The following ECPAS variants were observed in gnomAD, a reference collection of about 807,000 sequenced individuals.
The protein encoded by ECPAS is Ecm29 proteasome adaptor and scaffold.
A neutral mutation model predicts 255.1 loss-of-function variants in ECPAS; 70 were observed. That is an observed-to-expected ratio of 0.27 (90% CI 0.23 to 0.33). The LOEUF is 0.33. Ranked by LOEUF, ECPAS falls within the 10% of genes least tolerant of loss-of-function variation. The pLI, the probability that ECPAS is intolerant of heterozygous loss-of-function variation, is 1.00. For synonymous variants in ECPAS, 784 were observed against 775.0 expected (o/e 1.01, Z -0.19); for missense variants, 1,817 against 2,206.4 (o/e 0.82, Z 3.54).
intron 24 of ECPAS, among the ~76,000 whole-genome samples, chr9:111,401,395 G>A (rs1347856595): frequency 3.9e-5 from 6 of 152,116 alleles, no homozygotes; most frequent in Non-Finnish European, 8.8e-5. Context: ...AGGGGAGGGG[G>A]GTGTACAAAC....
rs752086245 is a variant in ECPAS at position 111,373,317 on chromosome 9, G to C, written c.4267C>G (p.Arg1423Gly). 3 of 1,613,278 alleles carry C rather than the reference G, an allele frequency of 1.9e-6. No individual in the cohort carries two copies. The highest frequency in any genetic ancestry group is 1.3e-5 in the African/African-American group (1 of 74,828). The change falls in exon 40 of 50, where the codon CGG (arginine) becomes GGG (glycine). Residue 1423 changes from arginine (R) to glycine (G), a missense_variant and splice_region_variant. Arg to Gly is a moderately radical substitution (Grantham distance 125, BLOSUM62 -2). Around this residue, in one of 4 missense-constraint regions of ECPAS, gnomAD observed 960 missense variants for 1,179.0 expected, o/e 0.81. Transcript: ENST00000684092. ...ACTAAGCAAGAAATTTAACTCACCC[G>C]AACTAAATGGCCCATAGCAAATGCA... ...SCAFAMGHLV[R>G]TSRDSSTEKL...
intron 2 of ECPAS, among the ~76,000 whole-genome samples, chr9:111,465,510 A>G (rs1028704797): frequency 2.0e-5 from 3 of 152,134 alleles, no homozygotes; most frequent in Non-Finnish European, 4.4e-5. Flanking sequence ...ATTGCACTGC[A>G]GCCTGGGCTA....
chr9:111,465,288 C>T (rs2098278103), intron 2 of ECPAS, among the ~76,000 whole-genome samples: 1 of 152,004 alleles, frequency 6.6e-6, no homozygotes, highest in Non-Finnish European at 1.5e-5. Flanking sequence ...GCCTGTAATC[C>T]CAGCACTTTG....
chr9:111,403,191 GAA>G (rs34002065), intron 24 of ECPAS, among the ~76,000 whole-genome samples: 217 of 120,858 alleles, frequency 1.8e-3, no homozygotes, highest in African/African-American at 6.2e-3. Context: ...CATCTCTACT[GAA>G]AAAAAAAAAA....
intron 25 of ECPAS, among the ~76,000 whole-genome samples, chr9:111,395,733 C>T (rs2098166635): frequency 6.6e-6 from 1 of 152,152 alleles, no homozygotes; most frequent in Non-Finnish European, 1.5e-5. Flanking sequence ...AGTGTGAGCC[C>T]TCCCTGTTGT....
At chr9:111,427,219 A>G (rs528075036) in intron 10 of ECPAS, among the ~76,000 whole-genome samples, 1 of 152,200 alleles carries the variant, frequency 6.6e-6, no homozygotes, top group Non-Finnish European at 1.5e-5. Flanking sequence ...GACTAGAGGC[A>G]GGAAGGTAAG....
chr9:111,462,190 A>G (rs2098273986), intron 2 of ECPAS, among the ~76,000 whole-genome samples: 1 of 152,270 alleles, frequency 6.6e-6, no homozygotes, highest in African/African-American at 2.4e-5. Flanking sequence ...ATAGGAAAAG[A>G]TATCTTAAAA....
At chr9:111,397,186 A>G (rs974873743) in intron 24 of ECPAS, 33 bp from the exon 25 acceptor site, 1 of 1,608,774 alleles carries the variant, frequency 6.2e-7, no homozygotes, top group Non-Finnish European at 8.5e-7. Flanking sequence ...CATGAATGAG[A>G]AAACACATTT....
chr9:111,435,056 G>A (rs569513185), intron 7 of ECPAS, among the ~76,000 whole-genome samples: 2 of 151,338 alleles, frequency 1.3e-5, no homozygotes, highest in East Asian at 3.9e-4. Context: ...GCACCACCAC[G>A]CCCAGCTAAT....
intron 20 of ECPAS, 79 bp from the exon 21 acceptor site, chr9:111,412,227 A>G: frequency 8.0e-7 from 1 of 1,252,242 alleles, no homozygotes; most frequent in Non-Finnish European, 1.1e-6. Flanking sequence ...TAAAATTAAA[A>G]GAACGTTCAA....
At chr9:111,397,295 A>G (rs1265903738) in intron 24 of ECPAS, 142 bp from the exon 25 acceptor site, 18 of 944,340 alleles carry the variant, frequency 1.9e-5, no homozygotes, top group Admixed American at 7.1e-5. Flanking sequence ...GGCTAATTCA[A>G]TGGCTCAAAG....
chr9:111,392,560 C>A lies in ECPAS; in HGVS notation c.3092+208G>T, dbSNP rs544598258. Among the ~76,000 whole-genome samples the A allele has an allele frequency of 7.9e-5, 12 of 152,320 alleles. No individual in the cohort carries two copies. The South Asian group carries it at 2.3e-3, about 29-fold the overall frequency. The stretch of plus-strand genomic sequence containing the variant: ...TTATCTGAGACCATTAAACTTTCGA[C>A]GCTTGACCTAGTGGCATGCTCCTAA... On this transcript the variant is annotated intron_variant, in intron 28 of 49. Coordinates refer to ENST00000684092, the MANE Select transcript of ECPAS (RefSeq NM_001364929.1).
At chr9:111,429,156 C>T (rs2098226090) in intron 9 of ECPAS, among the ~76,000 whole-genome samples, 1 of 152,040 alleles carries the variant, frequency 6.6e-6, no homozygotes, top group Non-Finnish European at 1.5e-5. Context: ...AAAGTATGCA[C>T]CAAATACCCA....
rs2098206646 is a variant in ECPAS, at chr9:111,417,863, C to T, written c.1683+20G>A. On this transcript the variant is annotated intron_variant, in intron 17 of 49. Transcript: ENST00000684092. ...CATCCATTATGATTTAGACTAATTA[C>T]CTTAAGTTGCATGCCATACCTTTTC... 1.3e-6 allele frequency: 2 copies of T among 1,538,270 alleles called. No homozygotes were observed. Among genetic ancestry groups the T allele is most frequent in the Non-Finnish European group, 1.8e-6 (2 of 1,142,834 alleles).
chr9:111,367,085 C>A (rs1212897309), intron 46 of ECPAS, among the ~76,000 whole-genome samples: 2 of 152,134 alleles, frequency 1.3e-5, no homozygotes, highest in Non-Finnish European at 2.9e-5. Flanking sequence ...GCAGGTTTAC[C>A]AAGAGTCAAC....
At position 111,421,933 on chromosome 9, in the gene ECPAS, C is replaced by G; in HGVS notation, c.1443G>C (p.Ser481=). 1 of 1,613,490 alleles carries G rather than the reference C, an allele frequency of 6.2e-7. No individual in the cohort carries two copies. The highest frequency in any genetic ancestry group is 1.7e-4 in the Middle Eastern group (1 of 5,996). The part of the protein sequence containing the change: ...QRTLMEALVA[S]YLIKPEVQVR... ...CACACGGACCTACCTTTATTAAGTACGAAGCCACAAGTGCCTCCATGAGAG... is the reference window on the plus strand; with the variant it reads ...CACACGGACCTACCTTTATTAAGTAGGAAGCCACAAGTGCCTCCATGAGAG... The change falls in exon 15 of 50, where the codon TCG becomes TCC. Residue 481 remains serine (S), a synonymous_variant. Transcript: ENST00000684092.
intron 2 of ECPAS, among the ~76,000 whole-genome samples, chr9:111,456,873 A>G (rs1057179930): frequency 1.1e-4 from 17 of 152,234 alleles, no homozygotes; most frequent in African/African-American, 3.9e-4. Context: ...GTCCAGGCTT[A>G]CCTCACAAGT....
intron 24 of ECPAS, among the ~76,000 whole-genome samples, chr9:111,398,231 G>A (rs2098170478): frequency 6.6e-6 from 1 of 152,090 alleles, no homozygotes; most frequent in Admixed American, 6.5e-5. Context: ...AGATTTAAAG[G>A]CTTTAGTCCT....
At chr9:111,375,685 T>C (rs1261002299) in intron 37 of ECPAS, among the ~76,000 whole-genome samples, 1 of 152,180 alleles carries the variant, frequency 6.6e-6, no homozygotes, top group East Asian at 1.9e-4. Flanking sequence ...TAAATGGTAT[T>C]CACTAACTAT....
Sources: allele counts gnomAD v4.1 joint callset (sites outside exome capture counted in the v4.1 genomes callset), GRCh38; gene constraint gnomAD v4.1.1; regional missense constraint gnomAD v4.1.1; transcripts MANE v1.5; gene names NCBI Gene and HGNC (gene_info 2026-07-23, HGNC 2026-07-21).